The following SNX10 variants were observed in gnomAD, a reference collection of about 807,000 sequenced individuals.
The protein encoded by SNX10 is sorting nexin 10.
In SNX10, 25 loss-of-function variants were observed where a neutral mutation model predicts 28.5. The observed-to-expected ratio is 0.88, with a 90% CI of 0.64 to 1.22. SNX10 has a LOEUF of 1.22. Among genes scored for constraint, SNX10 ranks in the 50% most tolerant of loss-of-function variants. The pLI, the probability that SNX10 is intolerant of heterozygous loss-of-function variation, is 0.00. For missense variants in SNX10, 223 were observed against 242.6 expected (o/e 0.92, Z 0.54); for synonymous variants, 62 against 81.4 (o/e 0.76, Z 1.28).
chr7:26,363,628 T>A (rs1054637728), intron 3 of SNX10, among the ~76,000 whole-genome samples: 7 of 152,202 alleles, frequency 4.6e-5, no homozygotes, highest in Admixed American at 3.9e-4. Context: ...TCTCGTCTTA[T>A]GTTTACGCAA....
chr7:26,369,308 A>T (rs1262052473), intron 5 of SNX10, among the ~76,000 whole-genome samples: 1 of 152,174 alleles, frequency 6.6e-6, no homozygotes, highest in Non-Finnish European at 1.5e-5. Flanking sequence ...TGGCACAAAC[A>T]TGACTAAGGA....
At chr7:26,325,785 T>C (rs555679872) in intron 1 of SNX10, among the ~76,000 whole-genome samples, 1 of 151,350 alleles carries the variant, frequency 6.6e-6, no homozygotes, top group South Asian at 2.1e-4. Context: ...TGGAGTGCAG[T>C]GGTGTGATCT....
intron 1 of SNX10, among the ~76,000 whole-genome samples, chr7:26,310,651 G>C (rs1786790026): frequency 6.6e-6 from 1 of 150,864 alleles, no homozygotes; most frequent in South Asian, 2.1e-4. Context: ...ACAGCAGCAC[G>C]AGGGGACTGA....
chr7:26,357,962 AG>A (rs1788892667), intron 2 of SNX10, among the ~76,000 whole-genome samples: 1 of 151,942 alleles, frequency 6.6e-6, no homozygotes. Context: ...AGCTCATGGG[AG>A]GGGGTTGAAT....
intron 2 of SNX10, among the ~76,000 whole-genome samples, chr7:26,360,105 G>A (rs533753114): frequency 2.0e-5 from 3 of 152,282 alleles, no homozygotes; most frequent in Non-Finnish European, 4.4e-5. Flanking sequence ...TAGGGGAAAT[G>A]TATTTTAAAA....
intron 1 of SNX10, among the ~76,000 whole-genome samples, chr7:26,309,268 C>T (rs1171653728): frequency 6.6e-6 from 1 of 151,960 alleles, no homozygotes; most frequent in Non-Finnish European, 1.5e-5. Flanking sequence ...TGCAGTTCTT[C>T]TGGCACATCA....
Position 26,372,921 on chromosome 7 carries a change from T to TA in SNX10, c.*350dup, listed in dbSNP as rs1293772658. On this transcript the variant is annotated 3_prime_UTR_variant, in exon 7 of 7. Coordinates refer to ENST00000338523, the MANE Select transcript of SNX10 (RefSeq NM_013322.3). The stretch of plus-strand genomic sequence containing the variant: ...AACTAAGTAGCATTTAAAATCAAGA[T>TA]AGAGCATTCCTTCTTGTATCAGTGG... 9.3e-6 allele frequency: 2 copies of TA among 214,874 alleles called. No individual in the cohort carries two copies. The highest frequency in any genetic ancestry group is 1.9e-5 in the Non-Finnish European group (2 of 106,244). The allele number at this position is 214,874 out of a possible 1,614,324, so 13.3% of individuals were successfully genotyped here.
At chr7:26,322,542 C>T (rs1029055113) in intron 1 of SNX10, among the ~76,000 whole-genome samples, 6 of 152,160 alleles carry the variant, frequency 3.9e-5, no homozygotes, top group Non-Finnish European at 7.3e-5. Flanking sequence ...GAACCCGTGT[C>T]GTAAGTTTCA....
rs1787457774 is a variant in SNX10, at chr7:26,325,306, A to ATATATAT, written c.-23-21114_-23-21113insTATATAT. Among the ~76,000 whole-genome samples, 50 of 51,362 alleles carry ATATATAT rather than the reference A, an allele frequency of 9.7e-4. 2 individuals are homozygous for ATATATAT. Among genetic ancestry groups the ATATATAT allele is most frequent in the Non-Finnish European group, 1.7e-3 (31 of 17,948 alleles). The allele number at this position is 51,362 out of a possible 152,430, so 33.7% of individuals were successfully genotyped here. ...AATTTTTTTCTACTGAAGTTTGCAAAATATATATATATATATATATATTTG... is the reference window on the plus strand; with the variant it reads ...AATTTTTTTCTACTGAAGTTTGCAAATATATATATATATATATATATATATATATTTG... On this transcript the variant is annotated intron_variant, in intron 1 of 6. Coordinates refer to ENST00000338523, the MANE Select transcript of SNX10 (RefSeq NM_013322.3).
chr7:26,310,755 C>T (rs566299581), intron 1 of SNX10, among the ~76,000 whole-genome samples: 1 of 151,586 alleles, frequency 6.6e-6, no homozygotes, highest in African/African-American at 2.4e-5. Flanking sequence ...CATCTCGGCT[C>T]ACTGCAAGCT....
At chr7:26,363,123 A>T (rs1200912676) in intron 3 of SNX10, among the ~76,000 whole-genome samples, 4 of 152,294 alleles carry the variant, frequency 2.6e-5, no homozygotes, top group Non-Finnish European at 5.9e-5. Flanking sequence ...CCCAAGGAGC[A>T]CAGTAGAGTG....
intron 1 of SNX10, among the ~76,000 whole-genome samples, chr7:26,307,052 T>C (rs946610384): frequency 1.3e-5 from 2 of 152,302 alleles, no homozygotes; most frequent in South Asian, 4.1e-4. Flanking sequence ...TCTAAACTGC[T>C]CCTCAGCAGT....
At chr7:26,358,549 G>A (rs926308577) in intron 2 of SNX10, among the ~76,000 whole-genome samples, 1 of 152,016 alleles carries the variant, frequency 6.6e-6, no homozygotes, top group Non-Finnish European at 1.5e-5. Flanking sequence ...GAATCAGCCT[G>A]GGCAACATAG....
chr7:26,367,402 G>A (rs1789337333), intron 5 of SNX10, among the ~76,000 whole-genome samples: 1 of 152,182 alleles, frequency 6.6e-6, no homozygotes, highest in South Asian at 2.1e-4. Flanking sequence ...GGAATTGGCA[G>A]GGGGTTCTCT....
chr7:26,365,997 G>A (rs1789275327), intron 5 of SNX10, among the ~76,000 whole-genome samples: 1 of 152,194 alleles, frequency 6.6e-6, no homozygotes, highest in Admixed American at 6.5e-5. Context: ...TGTCTGGCAT[G>A]CAGTGTGTGC....
At chr7:26,362,730 G>A (rs1397892560) in intron 3 of SNX10, among the ~76,000 whole-genome samples, 1 of 152,124 alleles carries the variant, frequency 6.6e-6, no homozygotes, top group Non-Finnish European at 1.5e-5. Flanking sequence ...TAGAGAAGCT[G>A]GTCTTTAACT....
At chr7:26,327,179 T>G (rs778733872) in intron 1 of SNX10, among the ~76,000 whole-genome samples, 1 of 151,936 alleles carries the variant, frequency 6.6e-6, no homozygotes, top group South Asian at 2.1e-4. Flanking sequence ...TCAAACTCCT[T>G]ACCTCAGATC....
chr7:26,335,783 G>A (rs1185703118), intron 1 of SNX10, among the ~76,000 whole-genome samples: 1 of 114,752 alleles, frequency 8.7e-6, no homozygotes, highest in African/African-American at 3.5e-5. Context: ...TCGTTCTGTC[G>A]CCCAGGCGGG....
At chr7:26,357,476 G>A (rs1788874148) in intron 2 of SNX10, among the ~76,000 whole-genome samples, 2 of 152,076 alleles carry the variant, frequency 1.3e-5, no homozygotes, top group South Asian at 2.1e-4. Context: ...ATCATGAAAG[G>A]CTGTATTGTG....
Sources: allele counts gnomAD v4.1 joint callset (sites outside exome capture counted in the v4.1 genomes callset), GRCh38; gene constraint gnomAD v4.1.1; transcripts MANE v1.5; gene names NCBI Gene and HGNC (gene_info 2026-07-23, HGNC 2026-07-21).